The following LRRCC1 variants were observed in gnomAD, a reference collection of about 807,000 sequenced individuals.
The protein encoded by LRRCC1 is leucine-rich repeat and coiled-coil domain-containing protein 1.
A neutral mutation model predicts 126.0 loss-of-function variants in LRRCC1; 115 were observed. The ratio of observed to expected loss-of-function variants is 0.91; its 90% confidence interval spans 0.78 to 1.07. The LOEUF is 1.07. Ranked by LOEUF, LRRCC1 falls within the 50% of genes least tolerant of loss-of-function variation. The probability of loss-of-function intolerance (pLI) is 0.00; values close to 1 mark genes in which losing one functional copy is unlikely to be tolerated. For missense variants in LRRCC1, 1,172 were observed against 1,175.7 expected, an observed-to-expected ratio of 1.00 and a Z score of 0.05; for synonymous variants, 400 against 393.4, an observed-to-expected ratio of 1.02 and a Z score of -0.20.
At chr8:85,130,332 T>C (rs7008032) in intron 11 of LRRCC1, among the ~76,000 whole-genome samples, 102,191 of 150,486 alleles carry the variant, frequency 0.68, 35,239 homozygotes, top group African/African-American at 0.72. Context: ...TTAGTAGAGA[T>C]GGGGTTTCAC....
intron 4 of LRRCC1, among the ~76,000 whole-genome samples, chr8:85,114,025 T>C (rs1022256240): frequency 2.6e-5 from 4 of 152,128 alleles, no homozygotes; most frequent in African/African-American, 9.6e-5. Flanking sequence ...TGGAAACCTG[T>C]GTTGGTAATT....
At chr8:85,113,318 A>T (rs1808866621) in intron 4 of LRRCC1, among the ~76,000 whole-genome samples, 2 of 152,178 alleles carry the variant, frequency 1.3e-5, no homozygotes, top group Non-Finnish European at 2.9e-5. Flanking sequence ...AGGCAGTTTC[A>T]TATTTGATAA....
rs139664598 is a variant in LRRCC1, at chr8:85,115,720, A to G, written c.930+136A>G. The G allele has an allele frequency of 1.6e-5, 10 of 631,806 alleles. No individual in the cohort carries two copies. The African/African-American group carries it at 1.6e-4, about 10-fold the overall frequency. The allele number at this position is 631,806 out of a possible 1,614,324, so 39.1% of individuals were successfully genotyped here. A position where few individuals can be genotyped will look rare whatever the true frequency, so the allele number is the denominator to read the frequency against. On this transcript the variant is annotated intron_variant, in intron 6 of 18. Coordinates refer to ENST00000360375, the MANE Select transcript of LRRCC1 (RefSeq NM_033402.5). ...TGTTCGTGTATTTTTGTTTTCCTCT[A>G]CAGAAATAGGGTTCTATTATTGCAT...
At chr8:85,134,306 T>G (rs1003473304) in intron 12 of LRRCC1, among the ~76,000 whole-genome samples, 9 of 152,176 alleles carry the variant, frequency 5.9e-5, no homozygotes, top group Non-Finnish European at 4.4e-5. Flanking sequence ...AGCAAAGATT[T>G]TATTCTGTGG....
chr8:85,121,301 GTTGGAT>G (rs1299756750), intron 6 of LRRCC1, among the ~76,000 whole-genome samples: 33 of 152,238 alleles, frequency 2.2e-4, no homozygotes, highest in African/African-American at 7.2e-4. Flanking sequence ...TATTAATGAA[GTTGGAT>G]TAGGGTCTAC....
At chr8:85,137,996 A>T in intron 15 of LRRCC1, 39 bp from the exon 16 acceptor site, 1 of 1,009,042 alleles carries the variant, frequency 9.9e-7, no homozygotes, top group Non-Finnish European at 1.5e-6. Context: ...TGAAGCATTT[A>T]AAGTTAATAA....
At chr8:85,137,781 C>T (rs1810976061) in intron 15 of LRRCC1, among the ~76,000 whole-genome samples, 154 bp downstream of exon 15, 2 of 152,026 alleles carry the variant, frequency 1.3e-5, no homozygotes, top group Non-Finnish European at 2.9e-5. Flanking sequence ...TGCCCTTTTG[C>T]TCTTAAAAAG....
chr8:85,133,952 C>G (rs913640817), intron 12 of LRRCC1, among the ~76,000 whole-genome samples: 4 of 152,106 alleles, frequency 2.6e-5, no homozygotes, highest in Non-Finnish European at 5.9e-5. Context: ...ACAATCTAAC[C>G]CTCTGAGTTC....
chr8:85,107,486 C>T, intron 1 of LRRCC1, 87 bp downstream of exon 1: 1 of 1,138,908 alleles, frequency 8.8e-7, no homozygotes, highest in Non-Finnish European at 1.3e-6. Flanking sequence ...AGAGTGGAGG[C>T]GCGGCACTGC....
Position 85,141,423 on chromosome 8 carries a change from A to G in LRRCC1, c.2882A>G (p.Lys961Arg). 1 of 1,613,450 alleles carries G rather than the reference A, an allele frequency of 6.2e-7. No individual in the cohort carries two copies. Among genetic ancestry groups the G allele is most frequent in the Non-Finnish European group, 8.5e-7 (1 of 1,179,586 alleles). The change falls in exon 18 of 19, where the codon AAA becomes AGA. Residue 961 changes from lysine to arginine, a missense_variant. Transcript: ENST00000360375. ...CTTCATAGTATGGATGATGCCTTTA[A>G]AAGACAAGTTGATGCAATTGTTGAA... The part of the protein sequence containing the change: ...EKLHSMDDAF[K>R]RQVDAIVEAH...
intron 8 of LRRCC1, among the ~76,000 whole-genome samples, chr8:85,126,431 G>A (rs1185397749): frequency 2.0e-5 from 3 of 152,064 alleles, no homozygotes; most frequent in African/African-American, 4.8e-5. Context: ...GGTGGCACAT[G>A]CCTGTAGTCC....
Position 85,138,070 on chromosome 8 carries a change from A to G in LRRCC1, c.2529A>G (p.Leu843=). 6.3e-7 allele frequency: 1 copy of G among 1,589,482 alleles called. No individual in the cohort carries two copies. The highest frequency in any genetic ancestry group is 8.6e-7 in the Non-Finnish European group (1 of 1,168,012). ...AAAAAGATGAACACATCAAAAGATT[A>G]CAAGAAAAGATCACAGAAATAGAAA... ...LQEKDEHIKR[L]QEKITEIEKC... is the part of the protein sequence containing the mutation. Residue 843 remains leucine (L), a synonymous_variant, in exon 16 of 19, where the codon TTA becomes TTG. Transcript: ENST00000360375.
chr8:85,127,390 CT>C (rs1021655933), intron 9 of LRRCC1, among the ~76,000 whole-genome samples: 18 of 152,222 alleles, frequency 1.2e-4, no homozygotes, highest in South Asian at 2.1e-4. Context: ...ATTACAATAA[CT>C]TTTTTTCTTC....
chr8:85,110,181 GT>G lies in LRRCC1; in HGVS notation c.376+2del. 7.8e-7 allele frequency: 1 copy of G among 1,276,718 alleles called. No individual in the cohort carries two copies. Among genetic ancestry groups the G allele is most frequent in the Non-Finnish European group, 1.1e-6 (1 of 926,236 alleles). The allele number at this position is 1,276,718 out of a possible 1,614,324, so 79.1% of individuals were successfully genotyped here. On this transcript the variant is annotated splice_donor_variant, in intron 3 of 18. Coordinates refer to ENST00000360375, the MANE Select transcript of LRRCC1 (RefSeq NM_033402.5). LOFTEE classifies it high-confidence loss of function. ...TATAACCACATAGATGATCTTAGTG[GT>G]AAGTAGAAATGCTTATGTTTTCTGT...
rs771541384 is a variant in LRRCC1 at position 85,107,341 on chromosome 8, A to G, written c.46A>G (p.Asn16Asp). 1.3e-5 allele frequency: 21 copies of G among 1,613,614 alleles called. No homozygotes were observed. The highest frequency in any genetic ancestry group is 1.8e-5 in the Non-Finnish European group (21 of 1,179,792). The stretch of plus-strand genomic sequence containing the variant: ...GGTGGCGGCAGAGGCGGAAGTGGAA[A>G]ACGAAGACGGCGACAGCAGCTGCGG... Reference protein sequence around the residue: ...AVVAAEAEVENEDGDSSCGDV... With the variant: ...AVVAAEAEVEDEDGDSSCGDV... The change falls in exon 1 of 19, where the codon AAC (asparagine) becomes GAC (aspartate). Residue 16 changes from asparagine to aspartate, a missense_variant. Asn to Asp is a conservative substitution (Grantham distance 23). Transcript: ENST00000360375.
intron 17 of LRRCC1, among the ~76,000 whole-genome samples, chr8:85,139,518 G>A (rs542737792): frequency 1.2e-3 from 177 of 152,180 alleles, no homozygotes; most frequent in African/African-American, 3.9e-3. Context: ...CACCCGCCTC[G>A]GCCTGCCAAA....
intron 17 of LRRCC1, 108 bp from the exon 18 acceptor site, chr8:85,141,274 A>T (rs545512128): frequency 1.3e-6 from 1 of 767,050 alleles, no homozygotes; most frequent in East Asian, 2.6e-5. Context: ...ATACTGAGTT[A>T]TGTTTCCATT....
intron 9 of LRRCC1, among the ~76,000 whole-genome samples, chr8:85,127,941 C>T (rs1201024001): frequency 6.6e-6 from 1 of 152,178 alleles, no homozygotes; most frequent in Non-Finnish European, 1.5e-5. Context: ...CTCAGAAAAA[C>T]AGCACTCCTG....
chr8:85,138,168 A>AC lies in LRRCC1; in HGVS notation c.2627_2628insC (p.Glu877Ter). Reference sequence around the variant, plus strand: ...GTACTTGAGAAGTTGGAAAGGCACAATGAAAGAAAAGAAAAACTAAAACAA... The same window carrying AC: ...GTACTTGAGAAGTTGGAAAGGCACAACTGAAAGAAAAGAAAAACTAAAACAA... On this transcript the variant is annotated frameshift_variant, in exon 16 of 19. Coordinates refer to ENST00000360375, the MANE Select transcript of LRRCC1 (RefSeq NM_033402.5). LOFTEE classifies it high-confidence loss of function. 1 of 1,612,148 alleles carries AC rather than the reference A, an allele frequency of 6.2e-7. No homozygotes were observed. Among genetic ancestry groups the AC allele is most frequent in the South Asian group, 1.1e-5 (1 of 90,618 alleles).
Sources: allele counts gnomAD v4.1 joint callset (sites outside exome capture counted in the v4.1 genomes callset), GRCh38; gene constraint gnomAD v4.1.1; transcripts MANE v1.5; gene names NCBI Gene and HGNC (gene_info 2026-07-23, HGNC 2026-07-21).